KLHL18: variants seen among roughly 807,000 people sequenced by gnomAD.
KLHL18 encodes the protein kelch-like protein 18.
KLHL18 carries 38 observed loss-of-function variants against 58.5 expected under a neutral mutation model. The ratio of observed to expected loss-of-function variants is 0.65; its 90% CI spans 0.50 to 0.85. The LOEUF (loss-of-function observed/expected upper bound fraction) is 0.85, where lower values mean the gene tolerates loss of function less well. Ranked by LOEUF, KLHL18 falls within the 40% of genes least tolerant of loss-of-function variation. The probability of loss-of-function intolerance (pLI) is 0.00; values close to 1 mark genes in which losing one functional copy is unlikely to be tolerated. For synonymous variants in KLHL18, 303 were observed against 301.9 expected, an observed-to-expected ratio of 1.00 and a Z score of -0.04; for missense variants, 624 against 778.4, an observed-to-expected ratio of 0.80 and a Z score of 2.36.
At chr3:47,312,248 G>A (rs1703319378) in intron 1 of KLHL18, among the ~76,000 whole-genome samples, 1 of 152,156 alleles carries the variant, frequency 6.6e-6, no homozygotes, top group African/African-American at 2.4e-5. Flanking sequence ...CTATTTTAGT[G>A]TAGAGTGTTT....
chr3:47,317,698 C>T (rs1019238416), intron 1 of KLHL18, among the ~76,000 whole-genome samples: 2 of 152,116 alleles, frequency 1.3e-5, no homozygotes, highest in African/African-American at 4.8e-5. Flanking sequence ...TTTACATAGA[C>T]TTAATGCAAC....
intron 1 of KLHL18, chr3:47,297,689 A>G (rs1369119999): frequency 2.2e-6 from 1 of 448,826 alleles, no homozygotes; most frequent in Non-Finnish European, 4.5e-6. Flanking sequence ...TTCATCAGAA[A>G]TTTTGTTACT....
At chr3:47,286,986 G>T (rs1490054359) in intron 1 of KLHL18, among the ~76,000 whole-genome samples, 1 of 152,220 alleles carries the variant, frequency 6.6e-6, no homozygotes, top group African/African-American at 2.4e-5. Flanking sequence ...AGGGGGACCA[G>T]TACTTCCTGA....
intron 1 of KLHL18, among the ~76,000 whole-genome samples, chr3:47,284,190 C>T (rs538529837): frequency 5.5e-4 from 83 of 152,150 alleles, no homozygotes; most frequent in Middle Eastern, 3.4e-3. Context: ...TGTAATCACA[C>T]CACTGCACTC....
At position 47,342,731 on chromosome 3, in the gene KLHL18, GA is replaced by G. The variant is rs936658897; in HGVS notation, c.1240del (p.Thr414ProfsTer3). The G allele has an allele frequency of 3.1e-6, 5 of 1,614,062 alleles. No individual in the cohort carries two copies. The highest frequency in any genetic ancestry group is 4.2e-6 in the Non-Finnish European group (5 of 1,179,942). ...SPETDKWTVV[T>X]SMSSNRSAAG... Reference sequence around the variant, plus strand: ...CTCTTTCCTGAAGATGGACAGTGGTGACCTCGATGAGCTCGAATCGCAGTGC... The same window carrying G: ...CTCTTTCCTGAAGATGGACAGTGGTGCCTCGATGAGCTCGAATCGCAGTGC... On this transcript the variant is annotated frameshift_variant, in exon 9 of 10. Coordinates refer to ENST00000232766, the MANE Select transcript of KLHL18 (RefSeq NM_025010.5). LOFTEE classifies it high-confidence loss of function.
At chr3:47,317,765 T>C (rs1703489898) in intron 1 of KLHL18, among the ~76,000 whole-genome samples, 1 of 152,028 alleles carries the variant, frequency 6.6e-6, no homozygotes, top group African/African-American at 2.4e-5. Context: ...ATAGGGAGAG[T>C]GTAGGGGATA....
At chr3:47,310,459 C>T (rs1703271447) in intron 1 of KLHL18, among the ~76,000 whole-genome samples, 1 of 152,178 alleles carries the variant, frequency 6.6e-6, no homozygotes, top group African/African-American at 2.4e-5. Context: ...GTCTTATAGC[C>T]TCTTTTCTTC....
At chr3:47,296,791 C>A (rs1288967365) in intron 1 of KLHL18, among the ~76,000 whole-genome samples, 2 of 152,122 alleles carry the variant, frequency 1.3e-5, no homozygotes, top group Non-Finnish European at 2.9e-5. Context: ...ATAAGTAAGA[C>A]ATAGAGGAGC....
chr3:47,297,815 G>C lies in KLHL18; in HGVS notation c.129+14721G>C, dbSNP rs76569752. ...TAGGATATAACCTTCCTTTCTTTGG[G>C]AAGAATATTCAGCCTGGATGGAGAG... is the stretch of plus-strand genomic sequence containing the variant. On this transcript the variant is annotated intron_variant, in intron 1 of 9. Transcript: ENST00000232766. The C allele has an allele frequency of 3.2e-3, 1,116 of 348,852 alleles. 4 individuals carry two copies. Among genetic ancestry groups the C allele is most frequent in the Non-Finnish European group, 4.6e-3 (821 of 176,654 alleles). The allele number at this position is 348,852 out of a possible 1,614,324, so 21.6% of individuals were successfully genotyped here. A position where few individuals can be genotyped will look rare whatever the true frequency, so the allele number is the denominator to read the frequency against.
intron 1 of KLHL18, among the ~76,000 whole-genome samples, chr3:47,289,085 A>G (rs1027490283): frequency 1.3e-5 from 2 of 152,172 alleles, no homozygotes; most frequent in African/African-American, 4.8e-5. Context: ...TGAAATTCAT[A>G]TATTTCTGCT....
At chr3:47,288,220 CAAAAAAA>C (rs768468646) in intron 1 of KLHL18, among the ~76,000 whole-genome samples, 33 of 44,638 alleles carry the variant, frequency 7.4e-4, no homozygotes, top group African/African-American at 1.6e-3. Context: ...ACTCTGTCTC[CAAAAAAA>C]AAAAAAAAAA....
intron 2 of KLHL18, 33 bp downstream of exon 2, chr3:47,319,816 G>A (rs1276293598): frequency 1.2e-6 from 2 of 1,608,618 alleles, no homozygotes; most frequent in Non-Finnish European, 1.7e-6. Context: ...TTCGCAGGCT[G>A]CTTTCCAAGT....
rs193015618 is a variant in KLHL18 at position 47,341,305 on chromosome 3, T to C, written c.1226+629T>C. 2.0e-3 allele frequency among the ~76,000 whole-genome samples: 300 copies of C among 152,318 alleles called. 3 individuals carry two copies. Among genetic ancestry groups the C allele is most frequent in the African/African-American group, 6.6e-3 (274 of 41,578 alleles). Reference sequence around the variant, plus strand: ...ATATAATAAAATATAAACAAATTAGTTGAATGGACTTATTAGGATGCCTTT... The same window carrying C: ...ATATAATAAAATATAAACAAATTAGCTGAATGGACTTATTAGGATGCCTTT... On this transcript the variant is annotated intron_variant, in intron 8 of 9. Coordinates refer to ENST00000232766, the MANE Select transcript of KLHL18 (RefSeq NM_025010.5).
intron 9 of KLHL18, among the ~76,000 whole-genome samples, 185 bp downstream of exon 9, chr3:47,343,015 A>C (rs1704143557): frequency 6.6e-6 from 1 of 152,208 alleles, no homozygotes. Context: ...CAGTGTACAC[A>C]AAAGAAGGGC....
intron 3 of KLHL18, among the ~76,000 whole-genome samples, chr3:47,323,672 G>T (rs114415749): frequency 2.0e-5 from 3 of 152,152 alleles, no homozygotes; most frequent in Non-Finnish European, 4.4e-5. Flanking sequence ...GGGGATGTGG[G>T]TTAGTGCTGG....
chr3:47,308,420 TTGTTC>T (rs1430323478), intron 1 of KLHL18, among the ~76,000 whole-genome samples: 1 of 152,196 alleles, frequency 6.6e-6, no homozygotes, highest in Non-Finnish European at 1.5e-5. Context: ...AGACAGAGTC[TTGTTC>T]TGTCCCCCAG....
chr3:47,325,108 G>A (rs997106210), intron 3 of KLHL18, among the ~76,000 whole-genome samples: 3 of 152,066 alleles, frequency 2.0e-5, no homozygotes, highest in Non-Finnish European at 4.4e-5. Context: ...CCTGAGCCTC[G>A]CTACAGAATG....
At chr3:47,287,662 T>G (rs775912332) in intron 1 of KLHL18, among the ~76,000 whole-genome samples, 9 of 152,104 alleles carry the variant, frequency 5.9e-5, no homozygotes, top group Non-Finnish European at 1.3e-4. Flanking sequence ...ATTTTTGAAT[T>G]TTTGTAGAGA....
intron 3 of KLHL18, among the ~76,000 whole-genome samples, chr3:47,327,659 T>C (rs950532866): frequency 1.3e-5 from 2 of 152,262 alleles, no homozygotes; most frequent in African/African-American, 4.8e-5. Context: ...TGCCTACATC[T>C]TGCTCTCTGC....
Sources: allele counts gnomAD v4.1 joint callset (sites outside exome capture counted in the v4.1 genomes callset), GRCh38; gene constraint gnomAD v4.1.1; transcripts MANE v1.5; gene names NCBI Gene and HGNC (gene_info 2026-07-23, HGNC 2026-07-21).